Variants in LUZP2 observed in about 807,000 individuals in gnomAD.
LUZP2 encodes the protein leucine zipper protein 2.
A neutral mutation model predicts 51.6 loss-of-function variants in LUZP2; 52 were observed. The observed-to-expected ratio is 1.01, with a 90% CI of 0.81 to 1.27. The LOEUF (loss-of-function observed/expected upper bound fraction) is 1.27, where lower values mean the gene tolerates loss of function less well. LUZP2 is among the 50% of genes most tolerant of loss of function. LUZP2 has a pLI of 0.00. For missense variants in LUZP2, 436 were observed against 395.4 expected, an observed-to-expected ratio of 1.10 and a Z score of -0.87; for synonymous variants, 154 against 137.3, an observed-to-expected ratio of 1.12 and a Z score of -0.85.
intron 9 of LUZP2, among the ~76,000 whole-genome samples, 178 bp downstream of exon 9, chr11:24,983,471 G>A (rs1856099281): frequency 6.6e-6 from 1 of 151,762 alleles, no homozygotes; most frequent in African/African-American, 2.4e-5. Flanking sequence ...CTAGAAGAAT[G>A]TTGGAAGGGA....
intron 1 of LUZP2, among the ~76,000 whole-genome samples, chr11:24,692,410 A>C (rs1021213731): frequency 6.6e-6 from 1 of 152,114 alleles, no homozygotes; most frequent in Admixed American, 6.6e-5. Flanking sequence ...AGGCTATTCT[A>C]AGAATATACG....
At chr11:24,562,209 T>C (rs955835426) in intron 1 of LUZP2, among the ~76,000 whole-genome samples, 1 of 152,126 alleles carries the variant, frequency 6.6e-6, no homozygotes, top group Non-Finnish European at 1.5e-5. Flanking sequence ...TTTCTTGTAA[T>C]CCTTTTGAAA....
chr11:24,646,970 C>T (rs1259022148), intron 1 of LUZP2, among the ~76,000 whole-genome samples: 1 of 151,982 alleles, frequency 6.6e-6, no homozygotes, highest in Admixed American at 6.6e-5. Flanking sequence ...GTTGACTTTT[C>T]ATTACTTGGA....
At chr11:24,723,851 A>G (rs1386593379) in intron 1 of LUZP2, among the ~76,000 whole-genome samples, 1 of 152,160 alleles carries the variant, frequency 6.6e-6, no homozygotes, top group Non-Finnish European at 1.5e-5. Flanking sequence ...AAAATGAAAA[A>G]TAAAAAGTAA....
intron 1 of LUZP2, among the ~76,000 whole-genome samples, chr11:24,588,237 T>C (rs112887006): frequency 0.011 from 1,735 of 152,142 alleles, 33 homozygotes; most frequent in African/African-American, 0.04. Context: ...CCTTGAATCA[T>C]AGATCGTGCA....
Position 24,611,306 on chromosome 11 carries a change from C to T in LUZP2, c.62+114001C>T, listed in dbSNP as rs899563147. Among the ~76,000 whole-genome samples the T allele has an allele frequency of 9.2e-5, 14 of 152,210 alleles. No homozygotes were observed. The highest frequency in any genetic ancestry group is 1.8e-4 in the Non-Finnish European group (12 of 68,010). ...CAAAATAATAACAAAAATGCTTCTACAGTCCATTATTCAAAAGAATGTATA... is the reference window on the plus strand; with the variant it reads ...CAAAATAATAACAAAAATGCTTCTATAGTCCATTATTCAAAAGAATGTATA... On this transcript the variant is annotated intron_variant, in intron 1 of 11. Transcript: ENST00000336930. This position sits in a 1 kb window ranked among gnomAD's most constrained non-coding sequence, Gnocchi z 4.6.
intron 2 of LUZP2, among the ~76,000 whole-genome samples, chr11:24,730,138 AGTGGTG>A (rs1217951516): frequency 3.3e-5 from 5 of 150,878 alleles, no homozygotes; most frequent in African/African-American, 1.2e-4. Flanking sequence ...TGATGGTGGT[AGTGGTG>A]GTGGTGGTGG....
At chr11:24,630,020 G>A (rs1257277606) in intron 1 of LUZP2, among the ~76,000 whole-genome samples, 1 of 147,732 alleles carries the variant, frequency 6.8e-6, no homozygotes, top group Non-Finnish European at 1.5e-5. Context: ...TTTTTTTTTT[G>A]CCAACTGTTT....
intron 1 of LUZP2, among the ~76,000 whole-genome samples, chr11:24,566,335 T>A (rs1375979885): frequency 5.0e-5 from 7 of 139,912 alleles, no homozygotes; most frequent in East Asian, 2.1e-4. Context: ...TATTTTTTTT[T>A]TTTTTTTTTT....
intron 1 of LUZP2, among the ~76,000 whole-genome samples, chr11:24,673,627 A>G (rs1166874705): frequency 6.6e-6 from 1 of 152,170 alleles, no homozygotes; most frequent in Non-Finnish European, 1.5e-5. Flanking sequence ...AAATTCAGCA[A>G]TATTGACATT....
chr11:24,529,323 G>A (rs953225997), intron 1 of LUZP2, among the ~76,000 whole-genome samples: 3 of 150,648 alleles, frequency 2.0e-5, no homozygotes, highest in African/African-American at 7.3e-5. Context: ...TCTTCATCTG[G>A]GTATTTCACT....
intron 5 of LUZP2, among the ~76,000 whole-genome samples, chr11:24,778,244 T>TA (rs1365042793): frequency 3.3e-5 from 5 of 151,382 alleles, no homozygotes; most frequent in Non-Finnish European, 5.9e-5. Flanking sequence ...CTGCAAAAAA[T>TA]AAAAAAATAA....
chr11:24,582,402 TA>T (rs1852897340), intron 1 of LUZP2, among the ~76,000 whole-genome samples: 1 of 133,810 alleles, frequency 7.5e-6, no homozygotes. Context: ...TGAATAGAAA[TA>T]AAAACCTATT....
At chr11:24,666,083 A>C (rs1221496133) in intron 1 of LUZP2, among the ~76,000 whole-genome samples, 1 of 152,198 alleles carries the variant, frequency 6.6e-6, no homozygotes, top group Non-Finnish European at 1.5e-5. Context: ...GAATTTTACT[A>C]ACTTACATTC....
chr11:24,842,617 A>G (rs555227095), intron 5 of LUZP2, among the ~76,000 whole-genome samples: 7 of 152,078 alleles, frequency 4.6e-5, no homozygotes, highest in Non-Finnish European at 8.8e-5. Context: ...CCCTTAAGCT[A>G]GAAATCAATA....
At chr11:24,972,356 A>G (rs1855765779) in intron 7 of LUZP2, among the ~76,000 whole-genome samples, 1 of 152,036 alleles carries the variant, frequency 6.6e-6, no homozygotes, top group African/African-American at 2.4e-5. Flanking sequence ...TACTCTAAGT[A>G]TTTTACAGAT....
At chr11:25,072,364 T>C (rs1401110675) in intron 10 of LUZP2, among the ~76,000 whole-genome samples, 2 of 152,080 alleles carry the variant, frequency 1.3e-5, no homozygotes, top group Admixed American at 1.3e-4. Context: ...AGTGCCTGGC[T>C]CATAATAGAA....
At chr11:24,669,506 ACCATTAGAGGAAACTG>A (rs1359051488) in intron 1 of LUZP2, among the ~76,000 whole-genome samples, 2 of 151,856 alleles carry the variant, frequency 1.3e-5, no homozygotes, top group Non-Finnish European at 2.9e-5. Flanking sequence ...ATTGTTTTAA[ACCATTAGAGGAAACTG>A]CCAATGAATC....
intron 2 of LUZP2, among the ~76,000 whole-genome samples, chr11:24,729,597 A>C (rs1223575434): frequency 6.6e-6 from 1 of 151,960 alleles, no homozygotes; most frequent in Non-Finnish European, 1.5e-5. Flanking sequence ...AGACTTAAAT[A>C]AATATAGGAA....
Sources: gnomAD v4.1 joint callset for allele counts (sites outside exome capture counted in the v4.1 genomes callset) on GRCh38, gnomAD v4.1.1 for gene constraint, Gnocchi (gnomAD v3.1) non-coding constraint, MANE v1.5 for transcripts, NCBI Gene and HGNC (gene_info 2026-07-23, HGNC 2026-07-21) for gene names.